Variants in ZNF460 observed in about 807,000 individuals in gnomAD.
ZNF460 encodes the protein zinc finger protein 460, also known as zinc finger protein 272.
ZNF460 carries 1 observed loss-of-function variant against 8.4 expected under a neutral mutation model. The ratio of observed to expected loss-of-function variants is 0.12; its 90% CI spans 0.04 to 0.56. The LOEUF (loss-of-function observed/expected upper bound fraction) is 0.56, where lower values mean the gene tolerates loss of function less well. Ranked by LOEUF, ZNF460 falls within the 20% of genes least tolerant of loss-of-function variation. The pLI, the probability that ZNF460 is intolerant of heterozygous loss-of-function variation, is 0.91. For missense variants in ZNF460, 477 were observed against 714.8 expected, an observed-to-expected ratio of 0.67 and a Z score of 3.79; for synonymous variants, 262 against 259.9, an observed-to-expected ratio of 1.01 and a Z score of -0.08.
rs780791554 is a variant in ZNF460, at chr19:57,284,677, G to C, written c.157G>C (p.Gly53Arg). 3 of 1,604,812 alleles carry C rather than the reference G, an allele frequency of 1.9e-6. No individual in the cohort carries two copies. The Admixed American group carries it at 5.1e-5, about 28-fold the overall frequency. ...GACCTGTGGGCTTCTGGTCGCACTG[G>C]GTAAGGCCTGTCCTCTCCTCTCCAA... ...LETCGLLVAL[G>R]DSTKPETVEP... is the part of the protein sequence containing the mutation. The change falls in exon 2 of 3, where the codon GGT becomes CGT. Residue 53 changes from glycine (G) to arginine (R), a missense_variant and splice_region_variant. Coordinates refer to ENST00000360338, the MANE Select transcript of ZNF460 (RefSeq NM_006635.4).
rs377402534 is a variant in ZNF460, at chr19:57,283,605, G to A, written c.31-946G>A. On this transcript the variant is annotated intron_variant, in intron 1 of 2. Coordinates refer to ENST00000360338, the MANE Select transcript of ZNF460 (RefSeq NM_006635.4). ...CAACCTCTGCCTCCCAGGTTCAAGCGATTCTCCTGCCTCAGCCTCCCTAGT... is the reference window on the plus strand; with the variant it reads ...CAACCTCTGCCTCCCAGGTTCAAGCAATTCTCCTGCCTCAGCCTCCCTAGT... Among the ~76,000 whole-genome samples the A allele has an allele frequency of 2.2e-4, 30 of 137,450 alleles. No homozygotes were observed. In the East Asian group the frequency reaches 5.8e-3, roughly 27 times the overall value. The allele number at this position is 137,450 out of a possible 152,430, so 90.2% of individuals were successfully genotyped here.
intron 2 of ZNF460, 119 bp downstream of exon 2, chr19:57,284,796 T>G: frequency 8.7e-7 from 1 of 1,144,706 alleles, no homozygotes; most frequent in Non-Finnish European, 1.2e-6. Context: ...CCCTCCTGTT[T>G]CCCAAAGCTT....
intron 1 of ZNF460, among the ~76,000 whole-genome samples, 181 bp downstream of exon 1, chr19:57,281,017 T>A (rs1600019803): frequency 1.3e-5 from 2 of 152,206 alleles, no homozygotes; most frequent in African/African-American, 2.4e-5. Context: ...CTCTGATAGG[T>A]GTTCAGTCCG....
Position 57,291,738 on chromosome 19 carries a change from A to G in ZNF460, c.1197A>G (p.Lys399=), listed in dbSNP as rs374922348. The G allele has an allele frequency of 2.8e-5, 46 of 1,614,150 alleles. No homozygotes were observed. The highest frequency in any genetic ancestry group is 2.1e-4 in the South Asian group (19 of 91,084). The change falls in exon 3 of 3, where the codon AAA becomes AAG. Residue 399 remains lysine (K), a synonymous_variant. Transcript: ENST00000360338. The surrounding 1 kb of genome is among the most constrained non-coding windows in gnomAD (Gnocchi z 8.4). The stretch of plus-strand genomic sequence containing the variant: ...CTTTTGAGTGCAAAGAATGTGGGAA[A>G]GCCTTTAGCATTCGAAAAGACCTCA... The part of the protein sequence containing the change: ...EKPFECKECG[K]AFSIRKDLIR...
intron 2 of ZNF460, among the ~76,000 whole-genome samples, chr19:57,289,367 T>TA (rs1907781060): frequency 6.6e-6 from 1 of 152,162 alleles, no homozygotes; most frequent in African/African-American, 2.4e-5. Context: ...CTTAACTTCT[T>TA]ATGGGGCTGC....
At position 57,290,924 on chromosome 19, in the gene ZNF460, G is replaced by T. The variant is rs760131726; in HGVS notation, c.383G>T (p.Gly128Val). ...GGGAAAATGAGCCTTGAACACGAAGGTTTGGCGACAGCTGATGGTATTTGT... is the reference window on the plus strand; with the variant it reads ...GGGAAAATGAGCCTTGAACACGAAGTTTTGGCGACAGCTGATGGTATTTGT... ...LHGKMSLEHEGLATADGICSM... is the reference protein window; with the variant it reads ...LHGKMSLEHEVLATADGICSM... The change falls in exon 3 of 3, where the codon GGT (glycine) becomes GTT (valine). Residue 128 changes from glycine to valine, a missense_variant. By Grantham distance (109) the Gly-to-Val change is moderately radical. Coordinates refer to ENST00000360338, the MANE Select transcript of ZNF460 (RefSeq NM_006635.4). 1 of 1,614,082 alleles carries T rather than the reference G, an allele frequency of 6.2e-7. No individual in the cohort carries two copies. The highest frequency in any genetic ancestry group is 1.7e-5 in the Admixed American group (1 of 60,008).
rs1052060447 is a variant in ZNF460 at position 57,280,648 on chromosome 19, C to T, written c.-159C>T. ...CGGCGCCCGCCGAGGCCTAGGCCTCCGCAGCCGCCCTCCGTCTCCTCAGCC... is the reference window on the plus strand; with the variant it reads ...CGGCGCCCGCCGAGGCCTAGGCCTCTGCAGCCGCCCTCCGTCTCCTCAGCC... On this transcript the variant is annotated 5_prime_UTR_variant, in exon 1 of 3. Coordinates refer to ENST00000360338, the MANE Select transcript of ZNF460 (RefSeq NM_006635.4). The T allele has an allele frequency of 4.6e-6, 5 of 1,085,762 alleles. No homozygotes were observed. The Admixed American group carries it at 1.3e-4, about 28-fold the overall frequency. 67.3% of individuals were successfully genotyped at this position (1,085,762 alleles called of 1,614,324 possible). A position where few individuals can be genotyped will look rare whatever the true frequency, so the allele number is the denominator to read the frequency against.
intron 1 of ZNF460, among the ~76,000 whole-genome samples, chr19:57,284,285 G>A (rs2087863636): frequency 6.6e-6 from 1 of 151,512 alleles, no homozygotes; most frequent in Non-Finnish European, 1.5e-5. Context: ...GAGTGCAGTG[G>A]CACGATCTCA....
chr19:57,281,069 C>A (rs1316396934), intron 1 of ZNF460, among the ~76,000 whole-genome samples: 2 of 152,202 alleles, frequency 1.3e-5, no homozygotes, highest in African/African-American at 4.8e-5. Context: ...TCTCATCACA[C>A]TTCCCCTAAA....
chr19:57,288,686 C>T (rs2087895748), intron 2 of ZNF460, among the ~76,000 whole-genome samples: 2 of 152,158 alleles, frequency 1.3e-5, no homozygotes, highest in African/African-American at 2.4e-5. Flanking sequence ...TCAATATGAA[C>T]TCACGATTCA....
chr19:57,291,871 GGA>G lies in ZNF460; in HGVS notation c.1335_1336del (p.Lys446AlafsTer22). The G allele has an allele frequency of 6.2e-7, 1 of 1,614,172 alleles. No individual in the cohort carries two copies. The highest frequency in any genetic ancestry group is 8.5e-7 in the Non-Finnish European group (1 of 1,180,034). ...GLTRHQWIHT[G>X]EKPYVCIQCG... ...CACAAGGCACCAGTGGATTCATACTGGAGAGAAGCCGTATGTATGCATCCAAT... is the reference window on the plus strand; with the variant it reads ...CACAAGGCACCAGTGGATTCATACTGGAGAAGCCGTATGTATGCATCCAAT... On this transcript the variant is annotated frameshift_variant, in exon 3 of 3. Transcript: ENST00000360338. LOFTEE classifies it low-confidence loss of function (END_TRUNC). The surrounding 1 kb of genome is among the most constrained non-coding windows in gnomAD (Gnocchi z 8.4).
intron 2 of ZNF460, among the ~76,000 whole-genome samples, chr19:57,287,374 C>G (rs751579390): frequency 2.0e-5 from 3 of 152,146 alleles, no homozygotes; most frequent in Admixed American, 6.5e-5. Context: ...TTCATATTTT[C>G]TGGTGGATGT....
chr19:57,287,448 A>G (rs2087887654), intron 2 of ZNF460, among the ~76,000 whole-genome samples: 1 of 152,206 alleles, frequency 6.6e-6, no homozygotes, highest in African/African-American at 2.4e-5. Flanking sequence ...GTGTGTACAT[A>G]TCAGGTCATG....
At chr19:57,280,911 A>G in intron 1 of ZNF460, 75 bp downstream of exon 1, 1 of 1,589,308 alleles carries the variant, frequency 6.3e-7, no homozygotes, top group Non-Finnish European at 8.6e-7. Flanking sequence ...GGAAGCCAAG[A>G]CAGCCACAGG....
In ZNF460 at chr19:57,291,060, C is replaced by T. The variant is rs747029930; in HGVS notation, c.519C>T (p.Phe173=). 37 of 1,614,038 alleles carry T rather than the reference C, an allele frequency of 2.3e-5. No homozygotes were observed. The highest frequency in any genetic ancestry group is 2.9e-5 in the Non-Finnish European group (34 of 1,180,034). Reference sequence around the variant, plus strand: ...ATGAAGGGGAAAATTCCTATAAATTCGAGGAAATGTTTAATGAGAATTGCT... The same window carrying T: ...ATGAAGGGGAAAATTCCTATAAATTTGAGGAAATGTTTAATGAGAATTGCT... The part of the protein sequence containing the change: ...LIHEGENSYK[F]EEMFNENCFL... The change falls in exon 3 of 3, where the codon TTC becomes TTT. Residue 173 remains phenylalanine, a synonymous_variant. Transcript: ENST00000360338. This position sits in a 1 kb window ranked among gnomAD's most constrained non-coding sequence, Gnocchi z 8.4.
chr19:57,289,373 G>A (rs573429249), intron 2 of ZNF460, among the ~76,000 whole-genome samples: 1 of 152,188 alleles, frequency 6.6e-6, no homozygotes, highest in South Asian at 2.1e-4. Context: ...TTCTTATGGG[G>A]CTGCCTCCTC....
chr19:57,285,960 G>A (rs2122888007), intron 2 of ZNF460, among the ~76,000 whole-genome samples: 1 of 152,270 alleles, frequency 6.6e-6, no homozygotes, highest in East Asian at 1.9e-4. Flanking sequence ...TCAGCTGTGT[G>A]TTCCTGGGCA....
At position 57,292,053 on chromosome 19, in the gene ZNF460, C is replaced by T. The variant is rs143031251; in HGVS notation, c.1512C>T (p.His504=). The T allele has an allele frequency of 5.4e-4, 871 of 1,614,226 alleles. 4 individuals carry two copies. The African/African-American group carries it at 0.01, about 19-fold the overall frequency. ...HQRIHTAEKS[H]EPIQSGNVSC... is the part of the protein sequence containing the mutation. ...GGATTCACACTGCAGAGAAGTCCCA[C>T]GAACCCATCCAGAGTGGGAACGTTT... The change falls in exon 3 of 3, where the codon CAC becomes CAT. Residue 504 remains histidine, a synonymous_variant. Coordinates refer to ENST00000360338, the MANE Select transcript of ZNF460 (RefSeq NM_006635.4).
chr19:57,280,571 G>A lies in ZNF460; in HGVS notation c.-236G>A. 1 of 588,820 alleles carries A rather than the reference G, an allele frequency of 1.7e-6. No homozygotes were observed. The highest frequency in any genetic ancestry group is 2.9e-5 in the East Asian group (1 of 34,772). 36.5% of individuals were successfully genotyped at this position (588,820 alleles called of 1,614,324 possible). A position where few individuals can be genotyped will look rare whatever the true frequency, so the allele number is the denominator to read the frequency against. On this transcript the variant is annotated 5_prime_UTR_variant, in exon 1 of 3. Transcript: ENST00000360338. Reference sequence around the variant, plus strand: ...AGTGAAGCGGTTACGCCCCTTCTTCGCGTCTTGGCGGGAGCCTGACGCCCC... The same window carrying A: ...AGTGAAGCGGTTACGCCCCTTCTTCACGTCTTGGCGGGAGCCTGACGCCCC...
Sources: allele counts gnomAD v4.1 joint callset (sites outside exome capture counted in the v4.1 genomes callset), GRCh38; gene constraint gnomAD v4.1.1; non-coding constraint Gnocchi (gnomAD v3.1); transcripts MANE v1.5; gene names NCBI Gene and HGNC (gene_info 2026-07-23, HGNC 2026-07-21).